The following SMPD3 variants were observed in gnomAD, a reference collection of about 807,000 sequenced individuals.
SMPD3 encodes the protein nSMase-2.
Under a neutral mutation model 55.7 loss-of-function variants are expected in SMPD3, and 21 were observed. The observed-to-expected ratio is 0.38, with a 90% confidence interval of 0.27 to 0.54. The LOEUF (loss-of-function observed/expected upper bound fraction) is 0.54, where lower values mean the gene tolerates loss of function less well. SMPD3 is among the 20% of genes least tolerant of loss of function. SMPD3 has a pLI of 0.80. For synonymous variants in SMPD3, 457 were observed against 404.3 expected (o/e 1.13, Z -1.56); for missense variants, 842 against 899.6 (o/e 0.94, Z 0.82).
At chr16:68,441,614 G>C (rs1406540761) in intron 1 of SMPD3, among the ~76,000 whole-genome samples, 1 of 151,880 alleles carries the variant, frequency 6.6e-6, no homozygotes, top group Admixed American at 6.6e-5. Context: ...TCAAAAGCTA[G>C]TGTATGTTTT....
Position 68,371,421 on chromosome 16 carries a change from C to T in SMPD3, c.761G>A (p.Arg254Gln), listed in dbSNP as rs750470987. Reference sequence around the variant, plus strand: ...CACAGGGTCGTCAGCTTCAGGTGGCCGGCCGCCCTCCTCGCCACCGATGCG... The same window carrying T: ...CACAGGGTCGTCAGCTTCAGGTGGCTGGCCGCCCTCCTCGCCACCGATGCG... Reference protein sequence around the residue: ...IVRIGGEEGGRPPEADDPVPG... With the variant: ...IVRIGGEEGGQPPEADDPVPG... The change falls in exon 3 of 9, where the codon CGG (arginine) becomes CAG (glutamine). Residue 254 changes from arginine to glutamine, a missense_variant. Physicochemically the swap from Arg to Gln is conservative, Grantham distance 43 (BLOSUM62 1). Coordinates refer to ENST00000219334, the MANE Select transcript of SMPD3 (RefSeq NM_018667.4). The T allele has an allele frequency of 1.8e-5, 29 of 1,570,972 alleles. No homozygotes were observed. Among genetic ancestry groups the T allele is most frequent in the Middle Eastern group, 1.7e-4 (1 of 5,932 alleles).
intron 1 of SMPD3, among the ~76,000 whole-genome samples, chr16:68,388,059 G>A (rs2090076558): frequency 6.6e-6 from 1 of 152,178 alleles, no homozygotes; most frequent in African/African-American, 2.4e-5. Flanking sequence ...TGTAACATTA[G>A]GGGCCACTAC....
intron 1 of SMPD3, among the ~76,000 whole-genome samples, chr16:68,414,185 G>A (rs1411062570): frequency 6.6e-6 from 1 of 152,194 alleles, no homozygotes; most frequent in Admixed American, 6.5e-5. Flanking sequence ...CTTCAAGATG[G>A]CTATTTCGAC....
intron 8 of SMPD3, 114 bp from the exon 9 acceptor site, chr16:68,361,421 T>C: frequency 7.3e-7 from 1 of 1,370,648 alleles, no homozygotes; most frequent in South Asian, 1.3e-5. Flanking sequence ...GGCTGGGACC[T>C]TCCTGCAGTC....
chr16:68,413,900 G>A (rs1250406630), intron 1 of SMPD3, among the ~76,000 whole-genome samples: 1 of 152,142 alleles, frequency 6.6e-6, no homozygotes, highest in Non-Finnish European at 1.5e-5. Context: ...TGAAGGGCCT[G>A]GGGCACCTCC....
chr16:68,397,811 T>C (rs2090172479), intron 1 of SMPD3, among the ~76,000 whole-genome samples: 1 of 152,168 alleles, frequency 6.6e-6, no homozygotes, highest in East Asian at 1.9e-4. Context: ...CCCCCTCCCC[T>C]GGTGGCAGTG....
chr16:68,377,905 G>A (rs1161991985), intron 2 of SMPD3, among the ~76,000 whole-genome samples: 2 of 152,222 alleles, frequency 1.3e-5, no homozygotes, highest in East Asian at 1.9e-4. Flanking sequence ...CCTGGCCCCT[G>A]TGAGGAAGCC....
chr16:68,413,064 C>A (rs2090313933), intron 1 of SMPD3, among the ~76,000 whole-genome samples: 1 of 152,160 alleles, frequency 6.6e-6, no homozygotes, highest in African/African-American at 2.4e-5. Flanking sequence ...TTCTTTTCAC[C>A]CTTGGCGTGG....
chr16:68,411,987 G>A (rs1221268725), intron 1 of SMPD3, among the ~76,000 whole-genome samples: 1 of 152,150 alleles, frequency 6.6e-6, no homozygotes, highest in Non-Finnish European at 1.5e-5. Flanking sequence ...TGGTGGCTGG[G>A]AGGCCAGCAT....
At chr16:68,417,615 G>A (rs988222470) in intron 1 of SMPD3, among the ~76,000 whole-genome samples, 1 of 152,194 alleles carries the variant, frequency 6.6e-6, no homozygotes, top group African/African-American at 2.4e-5. Flanking sequence ...CAAACAACTG[G>A]GGAAGAGATT....
At chr16:68,364,665 G>T in intron 5 of SMPD3, 86 bp downstream of exon 5, 3 of 1,435,268 alleles carry the variant, frequency 2.1e-6, no homozygotes, top group Non-Finnish European at 2.8e-6. Flanking sequence ...AATTCTTTGA[G>T]CTGCCTAACG....
At chr16:68,415,090 G>A (rs1242864822) in intron 1 of SMPD3, among the ~76,000 whole-genome samples, 3 of 152,174 alleles carry the variant, frequency 2.0e-5, no homozygotes, top group Admixed American at 6.5e-5. Context: ...GGATCCATGA[G>A]AACATGGGCC....
chr16:68,383,215 C>T (rs1276657431), intron 2 of SMPD3, among the ~76,000 whole-genome samples: 3 of 152,226 alleles, frequency 2.0e-5, no homozygotes, highest in African/African-American at 7.2e-5. Context: ...TGGCTCAAGT[C>T]ATCCCTTCTG....
chr16:68,395,765 T>C (rs992693103), intron 1 of SMPD3, among the ~76,000 whole-genome samples: 2 of 152,216 alleles, frequency 1.3e-5, no homozygotes, highest in Non-Finnish European at 2.9e-5. Context: ...TGAGAGACTA[T>C]GTGTATAGGT....
At chr16:68,383,375 C>A (rs2089990871) in intron 2 of SMPD3, among the ~76,000 whole-genome samples, 1 of 152,208 alleles carries the variant, frequency 6.6e-6, no homozygotes, top group Non-Finnish European at 1.5e-5. Context: ...TCTCACTAGA[C>A]TTTCTTGGTA....
intron 1 of SMPD3, among the ~76,000 whole-genome samples, chr16:68,430,850 T>C (rs1454223124): frequency 6.6e-6 from 1 of 152,202 alleles, no homozygotes; most frequent in Non-Finnish European, 1.5e-5. Flanking sequence ...ATGTGGCCTT[T>C]GAGTCTTCGA....
At chr16:68,365,478 C>T (rs1403801158) in intron 3 of SMPD3, among the ~76,000 whole-genome samples, 1 of 152,082 alleles carries the variant, frequency 6.6e-6, no homozygotes, top group Non-Finnish European at 1.5e-5. Flanking sequence ...TCAGTTACAC[C>T]CTAGACCTGG....
chr16:68,385,647 A>G (rs1393569004), intron 2 of SMPD3, among the ~76,000 whole-genome samples: 2 of 152,140 alleles, frequency 1.3e-5, no homozygotes, highest in Admixed American at 6.5e-5. Context: ...TAATTTGTCA[A>G]TATTTGAGAA....
chr16:68,405,561 A>G (rs1307498402), intron 1 of SMPD3, among the ~76,000 whole-genome samples: 5 of 151,618 alleles, frequency 3.3e-5, no homozygotes, highest in South Asian at 2.1e-4. Flanking sequence ...AAAAAAAAAA[A>G]AAAAAAGAAA....
Sources: gnomAD v4.1 joint callset for allele counts (sites outside exome capture counted in the v4.1 genomes callset) on GRCh38, gnomAD v4.1.1 for gene constraint, MANE v1.5 for transcripts, NCBI Gene and HGNC (gene_info 2026-07-23, HGNC 2026-07-21) for gene names.